The following XKR4 variants were observed in gnomAD, a reference collection of about 807,000 sequenced individuals.
The protein encoded by XKR4 is XK related 4.
Under a neutral mutation model 53.9 loss-of-function variants are expected in XKR4, and 12 were observed. That is an observed-to-expected ratio of 0.22 (90% CI 0.14 to 0.36). The LOEUF is 0.36. XKR4 is among the 10% of genes least tolerant of loss of function. The pLI is 1.00. For synonymous variants in XKR4, 354 were observed against 362.4 expected, an observed-to-expected ratio of 0.98 and a Z score of 0.26; for missense variants, 799 against 859.5, an observed-to-expected ratio of 0.93 and a Z score of 0.88.
At chr8:55,191,806 A>G (rs906568712) in intron 1 of XKR4, among the ~76,000 whole-genome samples, 1 of 151,968 alleles carries the variant, frequency 6.6e-6, no homozygotes, top group Admixed American at 6.6e-5. Flanking sequence ...GAATCAGAAG[A>G]ACATTCCCAC....
chr8:55,239,091 CTG>C (rs1818173172), intron 1 of XKR4, among the ~76,000 whole-genome samples: 1 of 152,136 alleles, frequency 6.6e-6, no homozygotes, highest in Admixed American at 6.5e-5. Context: ...ATATAAAAAA[CTG>C]TAATAATTTG....
intron 2 of XKR4, among the ~76,000 whole-genome samples, chr8:55,431,417 T>TA (rs1805102717): frequency 6.6e-6 from 1 of 152,214 alleles, no homozygotes; most frequent in Non-Finnish European, 1.5e-5. Flanking sequence ...AAAATGCTTT[T>TA]AAATGCCAGT....
intron 1 of XKR4, among the ~76,000 whole-genome samples, chr8:55,104,465 G>T (rs1441363675): frequency 2.0e-5 from 3 of 152,128 alleles, no homozygotes; most frequent in African/African-American, 7.2e-5. Context: ...TGTGATAAAA[G>T]ATGTGAGTTC....
rs563453026 is a variant in XKR4, at chr8:55,534,322, A to C, written c.*10095A>C. On this transcript the variant is annotated 3_prime_UTR_variant, in exon 3 of 3. Coordinates refer to ENST00000327381, the MANE Select transcript of XKR4 (RefSeq NM_052898.2). ...TATCCTGTTGCTTCTCAGGCCCTGC[A>C]AAACCTTGGTTACGAGCTCAAAGAT... 86 of 146,950 alleles carry C rather than the reference A, an allele frequency of 5.9e-4. No individual in the cohort carries two copies. The highest frequency in any genetic ancestry group is 2.1e-3 in the African/African-American group (86 of 40,416). 9.1% of individuals were successfully genotyped at this position (146,950 alleles called of 1,614,324 possible).
intron 1 of XKR4, among the ~76,000 whole-genome samples, chr8:55,197,369 C>T (rs1327612444): frequency 6.6e-6 from 1 of 152,176 alleles, no homozygotes; most frequent in African/African-American, 2.4e-5. Flanking sequence ...TAATGAGCTG[C>T]TTGTTAAGGA....
chr8:55,512,332 C>G (rs1806640004), intron 2 of XKR4, among the ~76,000 whole-genome samples: 2 of 152,182 alleles, frequency 1.3e-5, no homozygotes, highest in South Asian at 4.1e-4. Flanking sequence ...GCCACTGCCT[C>G]AGGATGATAC....
At chr8:55,478,696 T>C (rs1431775980) in intron 2 of XKR4, among the ~76,000 whole-genome samples, 6 of 151,978 alleles carry the variant, frequency 3.9e-5, no homozygotes, top group Non-Finnish European at 5.9e-5. Context: ...AATAAAAGGA[T>C]GGAGGAAGAT....
intron 1 of XKR4, among the ~76,000 whole-genome samples, chr8:55,248,031 AT>A (rs1818311171): frequency 6.6e-6 from 1 of 150,662 alleles, no homozygotes; most frequent in South Asian, 2.1e-4. Flanking sequence ...AATTTTTTGT[AT>A]TTTTAGTAGA....
In XKR4 at chr8:55,524,115, G is replaced by A. The variant is rs765648879; in HGVS notation, c.1841G>A (p.Arg614Gln). 1 of 1,614,198 alleles carries A rather than the reference G, an allele frequency of 6.2e-7. No individual in the cohort carries two copies. The highest frequency in any genetic ancestry group is 8.5e-7 in the Non-Finnish European group (1 of 1,180,024). The change falls in exon 3 of 3, where the codon CGA becomes CAA. Residue 614 changes from arginine (R) to glutamine (Q), a missense_variant. Around this residue, in one of 3 missense-constraint regions of XKR4, gnomAD observed 269 missense variants for 264.4 expected, o/e 1.02. Transcript: ENST00000327381. ...YPAWERHVLD[R>Q]SLRKAILAFE... The stretch of plus-strand genomic sequence containing the variant: ...GCATGGGAGAGACATGTTTTGGACC[G>A]AAGCCTCCGAAAGGCTATTTTAGCT...
intron 2 of XKR4, among the ~76,000 whole-genome samples, chr8:55,406,191 G>A (rs1013222843): frequency 6.6e-6 from 1 of 152,146 alleles, no homozygotes; most frequent in African/African-American, 2.4e-5. Flanking sequence ...GGCAATCAGG[G>A]AATTAATGGG....
intron 2 of XKR4, among the ~76,000 whole-genome samples, chr8:55,412,043 A>G (rs1360700651): frequency 6.6e-6 from 1 of 152,226 alleles, no homozygotes; most frequent in Non-Finnish European, 1.5e-5. Context: ...TGAAAATTTC[A>G]TAGAGCACAG....
rs79813397 is a variant in XKR4 at position 55,239,445 on chromosome 8, C to T, written c.807-118233C>T. ...GAAATGCCTCTTGCTCACTGAAAAC[C>T]AAGTAGCATCTTTGCACTGACTTTT... On this transcript the variant is annotated intron_variant, in intron 1 of 2. Coordinates refer to ENST00000327381, the MANE Select transcript of XKR4 (RefSeq NM_052898.2). Among the ~76,000 whole-genome samples the T allele has an allele frequency of 4.6e-3, 702 of 152,334 alleles. 5 individuals are homozygous for T. Among genetic ancestry groups the T allele is most frequent in the African/African-American group, 0.016 (654 of 41,574 alleles).
intron 1 of XKR4, among the ~76,000 whole-genome samples, chr8:55,270,015 C>T (rs1818663855): frequency 6.6e-6 from 1 of 152,152 alleles, no homozygotes; most frequent in Admixed American, 6.5e-5. Context: ...CTGTCAAAAT[C>T]CTTACATGTC....
At chr8:55,451,999 T>A in intron 2 of XKR4, 2 of 773,776 alleles carry the variant, frequency 2.6e-6, no homozygotes, top group East Asian at 4.9e-5. Context: ...TGCCGCCCGA[T>A]GGTCTTCTTG....
chr8:55,253,033 A>T (rs1818382185), intron 1 of XKR4, among the ~76,000 whole-genome samples: 1 of 152,178 alleles, frequency 6.6e-6, no homozygotes, highest in Non-Finnish European at 1.5e-5. Context: ...GGAGAGTAGG[A>T]TATGATACCG....
chr8:55,113,604 G>A (rs533005988), intron 1 of XKR4, among the ~76,000 whole-genome samples: 69 of 152,322 alleles, frequency 4.5e-4, no homozygotes, highest in Non-Finnish European at 8.8e-4. Context: ...TTAACTGGGT[G>A]CATGTACAGT....
At chr8:55,402,745 A>G (rs879602020) in intron 2 of XKR4, among the ~76,000 whole-genome samples, 6 of 152,208 alleles carry the variant, frequency 3.9e-5, no homozygotes, top group Non-Finnish European at 7.3e-5. Context: ...GGCAGCATTC[A>G]GGATAATGCC....
At chr8:55,264,287 T>A (rs1405757383) in intron 1 of XKR4, among the ~76,000 whole-genome samples, 3 of 152,328 alleles carry the variant, frequency 2.0e-5, no homozygotes, top group Non-Finnish European at 4.4e-5. Flanking sequence ...CCTTTATCAG[T>A]ATGTGGCAGA....
At chr8:55,486,170 T>TG (rs1023426865) in intron 2 of XKR4, among the ~76,000 whole-genome samples, 82 of 152,300 alleles carry the variant, frequency 5.4e-4, no homozygotes, top group African/African-American at 1.9e-3. Flanking sequence ...GAGGTATAAG[T>TG]GCGCATCACT....
Sources: allele counts gnomAD v4.1 joint callset (sites outside exome capture counted in the v4.1 genomes callset), GRCh38; gene constraint gnomAD v4.1.1; regional missense constraint gnomAD v4.1.1; transcripts MANE v1.5; gene names NCBI Gene and HGNC (gene_info 2026-07-23, HGNC 2026-07-21).